FAM171A2: variants seen among roughly 807,000 people sequenced by gnomAD.
FAM171A2 encodes protein FAM171A2.
Under a neutral mutation model 34.2 loss-of-function variants are expected in FAM171A2, and 13 were observed. The ratio of observed to expected loss-of-function variants is 0.38; its 90% CI spans 0.25 to 0.60. FAM171A2 has a LOEUF of 0.60. Ranked by LOEUF, FAM171A2 falls within the 20% of genes least tolerant of loss-of-function variation. The pLI, the probability that FAM171A2 is intolerant of heterozygous loss-of-function variation, is 0.62. For synonymous variants in FAM171A2, 475 were observed against 561.2 expected, an observed-to-expected ratio of 0.85 and a Z score of 2.17; for missense variants, 950 against 1,180.7, an observed-to-expected ratio of 0.80 and a Z score of 2.86.
rs1209549723 is a variant in FAM171A2, at chr17:44,356,555, C to G, written c.473G>C (p.Arg158Pro). 1 of 1,547,626 alleles carries G rather than the reference C, an allele frequency of 6.5e-7. No homozygotes were observed. Among genetic ancestry groups the G allele is most frequent in the Admixed American group, 2.0e-5 (1 of 50,878 alleles). The change falls in exon 4 of 8, where the codon CGC becomes CCC. Residue 158 changes from arginine to proline, a missense_variant. Physicochemically the swap from Arg to Pro is moderately radical, Grantham distance 103. This residue lies in a region of FAM171A2 where 752 missense variants were observed against 924.5 expected (regional missense o/e 0.81). Transcript: ENST00000293443. Reference sequence around the variant, plus strand: ...GCTGACAGGCAGGCGGGCAGCCCGGCGCTGGAACTGCACCAAGGGCTGGGA... The same window carrying G: ...GCTGACAGGCAGGCGGGCAGCCCGGGGCTGGAACTGCACCAAGGGCTGGGA... ...ARSQPLVQFQ[R>P]RAARLPVSST...
rs1380909759 is a variant in FAM171A2 at position 44,355,917 on chromosome 17, C to G, written c.895+41G>C. 1 of 1,544,932 alleles carries G rather than the reference C, an allele frequency of 6.5e-7. No homozygotes were observed. The highest frequency in any genetic ancestry group is 8.8e-7 in the Non-Finnish European group (1 of 1,142,838). On this transcript the variant is annotated intron_variant, in intron 6 of 7. Transcript: ENST00000293443. This position sits in a 1 kb window ranked among gnomAD's most constrained non-coding sequence, Gnocchi z 4.1. Reference sequence around the variant, plus strand: ...TCAGAAGTCTGCTCTCCCAGCTCCCCTCCTCCGCGGCCTCTACGCCCACTG... The same window carrying G: ...TCAGAAGTCTGCTCTCCCAGCTCCCGTCCTCCGCGGCCTCTACGCCCACTG...
At chr17:44,360,220 G>GT (rs1467059507) in intron 1 of FAM171A2, 88 bp from the exon 2 acceptor site, 1 of 1,104,400 alleles carries the variant, frequency 9.1e-7, no homozygotes, top group Non-Finnish European at 1.3e-6. Flanking sequence ...AAGGAGCTGT[G>GT]TTTGAGAGAG....
chr17:44,360,550 T>G (rs770661201), intron 1 of FAM171A2, among the ~76,000 whole-genome samples: 6 of 152,072 alleles, frequency 3.9e-5, no homozygotes, highest in Non-Finnish European at 7.4e-5. Context: ...GCTTAGAGAG[T>G]TTAGATACTT....
In FAM171A2 at chr17:44,355,671, C is replaced by A; in HGVS notation, c.1022+44G>T. Reference sequence around the variant, plus strand: ...TTTATGCATCTTTGGGGCCCCAGGGCCCGGTACAAGTGCAGGGGAGGGTGA... The same window carrying A: ...TTTATGCATCTTTGGGGCCCCAGGGACCGGTACAAGTGCAGGGGAGGGTGA... On this transcript the variant is annotated intron_variant, in intron 7 of 7. Transcript: ENST00000293443. This position sits in a 1 kb window ranked among gnomAD's most constrained non-coding sequence, Gnocchi z 4.1. 6.5e-7 allele frequency: 1 copy of A among 1,549,518 alleles called. No homozygotes were observed. Among genetic ancestry groups the A allele is most frequent in the Non-Finnish European group, 8.7e-7 (1 of 1,145,894 alleles).
rs979199466 is a variant in FAM171A2 at position 44,363,732 on chromosome 17, C to A, written c.-18G>T. 8.6e-7 allele frequency: 1 copy of A among 1,161,070 alleles called. No homozygotes were observed. Among genetic ancestry groups the A allele is most frequent in the Non-Finnish European group, 1.1e-6 (1 of 931,176 alleles). The allele number at this position is 1,161,070 out of a possible 1,614,324, so 71.9% of individuals were successfully genotyped here. On this transcript the variant is annotated 5_prime_UTR_variant, in exon 1 of 8. Coordinates refer to ENST00000293443, the MANE Select transcript of FAM171A2 (RefSeq NM_198475.3). ...GGCGGCATCGCGGGGCTAGGCCGGGCCCTAGCGGTCCATGGCTCCCGCCTG... is the reference window on the plus strand; with the variant it reads ...GGCGGCATCGCGGGGCTAGGCCGGGACCTAGCGGTCCATGGCTCCCGCCTG...
In FAM171A2 at chr17:44,363,745, T is replaced by C; in HGVS notation, c.-31A>G. 2 of 1,082,736 alleles carry C rather than the reference T, an allele frequency of 1.8e-6. No homozygotes were observed. The highest frequency in any genetic ancestry group is 1.2e-6 in the Non-Finnish European group (1 of 861,542). 67.1% of individuals were successfully genotyped at this position (1,082,736 alleles called of 1,614,324 possible). A position where few individuals can be genotyped will look rare whatever the true frequency, so the allele number is the denominator to read the frequency against. On this transcript the variant is annotated 5_prime_UTR_variant, in exon 1 of 8. An upstream start codon of the reference 5' UTR is lost. Coordinates refer to ENST00000293443, the MANE Select transcript of FAM171A2 (RefSeq NM_198475.3). ...GGCTAGGCCGGGCCCTAGCGGTCCA[T>C]GGCTCCCGCCTGGTCCCGCTCGCCC... is the stretch of plus-strand genomic sequence containing the variant.
Position 44,355,822 on chromosome 17 carries a change from C to T in FAM171A2, c.915G>A (p.Ser305=), listed in dbSNP as rs1337356735. ...GGTAGGTGCCGATGTCCTGGATGCC[C>T]GACGTGATGGTGACCAGCCCTGTGC... ...SPTAGLVTIT[S]GIQDIGTYHT... is the part of the protein sequence containing the mutation. Residue 305 remains serine (S), a synonymous_variant, in exon 7 of 8, where the codon TCG becomes TCA. Coordinates refer to ENST00000293443, the MANE Select transcript of FAM171A2 (RefSeq NM_198475.3). This position sits in a 1 kb window ranked among gnomAD's most constrained non-coding sequence, Gnocchi z 4.1. 2.6e-6 allele frequency: 4 copies of T among 1,551,696 alleles called. No individual in the cohort carries two copies. The highest frequency in any genetic ancestry group is 2.0e-5 in the Admixed American group (1 of 51,000).
At position 44,353,684 on chromosome 17, in the gene FAM171A2, C is replaced by T; in HGVS notation, c.*49G>A. The T allele has an allele frequency of 8.1e-7, 1 of 1,227,550 alleles. No homozygotes were observed. The allele number at this position is 1,227,550 out of a possible 1,614,324, so 76.0% of individuals were successfully genotyped here. On this transcript the variant is annotated 3_prime_UTR_variant, in exon 8 of 8. Coordinates refer to ENST00000293443, the MANE Select transcript of FAM171A2 (RefSeq NM_198475.3). ...CCCGCGGGCCCCCGGGGCGCGCACCCTGGGTGCGGGCCCGCGCGGGAGGGG... is the reference window on the plus strand; with the variant it reads ...CCCGCGGGCCCCCGGGGCGCGCACCTTGGGTGCGGGCCCGCGCGGGAGGGG...
chr17:44,354,986 A>T lies in FAM171A2; in HGVS notation c.1228T>A (p.Ser410Thr). 1.0e-5 allele frequency: 15 copies of T among 1,482,384 alleles called. No individual in the cohort carries two copies. The highest frequency in any genetic ancestry group is 1.3e-5 in the Non-Finnish European group (15 of 1,118,582). 91.8% of individuals were successfully genotyped at this position (1,482,384 alleles called of 1,614,324 possible). A position where few individuals can be genotyped will look rare whatever the true frequency, so the allele number is the denominator to read the frequency against. The change falls in exon 8 of 8, where the codon TCC (serine) becomes ACC (threonine). Residue 410 changes from serine (S) to threonine (T), a missense_variant. Around this residue, in one of 3 missense-constraint regions of FAM171A2, gnomAD observed 752 missense variants for 924.5 expected, o/e 0.81. Coordinates refer to ENST00000293443, the MANE Select transcript of FAM171A2 (RefSeq NM_198475.3). The surrounding 1 kb of genome is among the most constrained non-coding windows in gnomAD (Gnocchi z 5.8). ...GTGCGGAAGAAGTCATCCCGGGAGG[A>T]GGCCAAGTCCCGGGAGCTGGAGAAG... ...SAFSSSRDLASSRDDFFRTKP... is the reference protein window; with the variant it reads ...SAFSSSRDLATSRDDFFRTKP...
chr17:44,363,191 C>G (rs1448243650), intron 1 of FAM171A2, among the ~76,000 whole-genome samples: 2 of 152,086 alleles, frequency 1.3e-5, no homozygotes, highest in Non-Finnish European at 2.9e-5. Context: ...TGCCGGCGCC[C>G]CCACCCCGCC....
rs1299106450 is a variant in FAM171A2, at chr17:44,354,123, G to C, written c.2091C>G (p.Pro697=). 5 of 1,156,738 alleles carry C rather than the reference G, an allele frequency of 4.3e-6. No homozygotes were observed. The highest frequency in any genetic ancestry group is 5.3e-6 in the Non-Finnish European group (5 of 938,390). 71.7% of individuals were successfully genotyped at this position (1,156,738 alleles called of 1,614,324 possible). A position where few individuals can be genotyped will look rare whatever the true frequency, so the allele number is the denominator to read the frequency against. The change falls in exon 8 of 8, where the codon CCC becomes CCG. Residue 697 remains proline, a synonymous_variant. Transcript: ENST00000293443. This position sits in a 1 kb window ranked among gnomAD's most constrained non-coding sequence, Gnocchi z 5.8. ...CCTCCCTCGCGGGCCGGCGGCGCGC[G>C]GGCCGCGCCTCGTGGACATCTACGC... ...DSGVDVHEAR[P]ARRRPAREER... is the part of the protein sequence containing the mutation.
chr17:44,354,402 C>A lies in FAM171A2; in HGVS notation c.1812G>T (p.Trp604Cys), dbSNP rs2048409115. 1 of 1,209,304 alleles carries A rather than the reference C, an allele frequency of 8.3e-7. No individual in the cohort carries two copies. Among genetic ancestry groups the A allele is most frequent in the Non-Finnish European group, 1.0e-6 (1 of 964,272 alleles). The allele number at this position is 1,209,304 out of a possible 1,614,324, so 74.9% of individuals were successfully genotyped here. Reference sequence around the variant, plus strand: ...TGACGGGCGCCGCGCGCCCGGCCCCCCAGCCCTCGCCGCCGCCCCCGCCGC... The same window carrying A: ...TGACGGGCGCCGCGCGCCCGGCCCCACAGCCCTCGCCGCCGCCCCCGCCGC... ...GEGGGGGGEG[W>C]GAGRAAPVSG... Residue 604 changes from tryptophan to cysteine, a missense_variant, in exon 8 of 8, where the codon TGG (tryptophan) becomes TGT (cysteine). Transcript: ENST00000293443. The surrounding 1 kb of genome is among the most constrained non-coding windows in gnomAD (Gnocchi z 5.8).
In FAM171A2 at chr17:44,354,802, A is replaced by C; in HGVS notation, c.1412T>G (p.Leu471Arg). 1 of 1,292,396 alleles carries C rather than the reference A, an allele frequency of 7.7e-7. No homozygotes were observed. The highest frequency in any genetic ancestry group is 2.3e-5 in the South Asian group (1 of 44,360). 80.1% of individuals were successfully genotyped at this position (1,292,396 alleles called of 1,614,324 possible). The change falls in exon 8 of 8, where the codon CTG (leucine) becomes CGG (arginine). Residue 471 changes from leucine (L) to arginine (R), a missense_variant. Physicochemically the swap from Leu to Arg is moderately radical, Grantham distance 102. Transcript: ENST00000293443. This position sits in a 1 kb window ranked among gnomAD's most constrained non-coding sequence, Gnocchi z 5.8. The part of the protein sequence containing the change: ...RRGPSGAAAF[L>R]HEPPSPPPPF... ...CGGCGGCGGCGAGGGCGGCTCGTGC[A>C]GGAAGGCCGCAGCCCCCGAGGGCCC...
intron 3 of FAM171A2, among the ~76,000 whole-genome samples, chr17:44,357,509 C>T (rs950550258): frequency 2.0e-5 from 3 of 149,234 alleles, no homozygotes; most frequent in Non-Finnish European, 3.0e-5. Context: ...TAGCCAGGTG[C>T]GGTGGCAGGC....
At chr17:44,356,995 G>A (rs1386273041) in intron 3 of FAM171A2, among the ~76,000 whole-genome samples, 1 of 152,170 alleles carries the variant, frequency 6.6e-6, no homozygotes, top group Non-Finnish European at 1.5e-5. Context: ...TGGCTGTTAA[G>A]CATTTGAAAT....
rs759617893 is a variant in FAM171A2, at chr17:44,353,627, C to T, written c.*106G>A. 33 of 907,314 alleles carry T rather than the reference C, an allele frequency of 3.6e-5. No individual in the cohort carries two copies. The highest frequency in any genetic ancestry group is 1.4e-4 in the Admixed American group (3 of 21,080). The allele number at this position is 907,314 out of a possible 1,614,324, so 56.2% of individuals were successfully genotyped here. On this transcript the variant is annotated 3_prime_UTR_variant, in exon 8 of 8. Transcript: ENST00000293443. ...GCTCCAAGGCCCCTGGGCCCCTCTC[C>T]GGCCTGGGGCTGGGAGCTACGCGCG... is the stretch of plus-strand genomic sequence containing the variant.
Position 44,354,827 on chromosome 17 carries a change from C to G in FAM171A2, c.1387G>C (p.Gly463Arg). The part of the protein sequence containing the change: ...LEPGLEEHRR[G>R]PSGAAAFLHE... ...AGGAAGGCCGCAGCCCCCGAGGGCCCCCGCCGGTGCTCCTCTAGGCCGGGC... is the reference window on the plus strand; with the variant it reads ...AGGAAGGCCGCAGCCCCCGAGGGCCGCCGCCGGTGCTCCTCTAGGCCGGGC... Residue 463 changes from glycine to arginine, a missense_variant, in exon 8 of 8, where the codon GGG becomes CGG. Physicochemically the swap from Gly to Arg is moderately radical, Grantham distance 125. This residue lies in a region of FAM171A2 where 752 missense variants were observed against 924.5 expected (regional missense o/e 0.81). Transcript: ENST00000293443. The surrounding 1 kb of genome is among the most constrained non-coding windows in gnomAD (Gnocchi z 5.8). 7.8e-7 allele frequency: 1 copy of G among 1,281,024 alleles called. No individual in the cohort carries two copies. The highest frequency in any genetic ancestry group is 9.8e-7 in the Non-Finnish European group (1 of 1,015,232). 79.4% of individuals were successfully genotyped at this position (1,281,024 alleles called of 1,614,324 possible). A position where few individuals can be genotyped will look rare whatever the true frequency, so the allele number is the denominator to read the frequency against.
At position 44,359,895 on chromosome 17, in the gene FAM171A2, C is replaced by G; in HGVS notation, c.346+10G>C. 1 of 1,524,900 alleles carries G rather than the reference C, an allele frequency of 6.6e-7. No individual in the cohort carries two copies. The highest frequency in any genetic ancestry group is 8.8e-7 in the Non-Finnish European group (1 of 1,131,760). 94.5% of individuals were successfully genotyped at this position (1,524,900 alleles called of 1,614,324 possible). ...TGCTGTCCCCCCCCTCCACCTGCCC[C>G]TGCACTCACAGGGCAGCTTGTCAAC... On this transcript the variant is annotated intron_variant, in intron 2 of 7. Coordinates refer to ENST00000293443, the MANE Select transcript of FAM171A2 (RefSeq NM_198475.3).
chr17:44,353,688 G>A lies in FAM171A2; in HGVS notation c.*45C>T. The A allele has an allele frequency of 8.0e-7, 1 of 1,253,718 alleles. No individual in the cohort carries two copies. Among genetic ancestry groups the A allele is most frequent in the Non-Finnish European group, 1.0e-6 (1 of 1,000,850 alleles). 77.7% of individuals were successfully genotyped at this position (1,253,718 alleles called of 1,614,324 possible). A position where few individuals can be genotyped will look rare whatever the true frequency, so the allele number is the denominator to read the frequency against. On this transcript the variant is annotated 3_prime_UTR_variant, in exon 8 of 8. Transcript: ENST00000293443. ...CGGGCCCCCGGGGCGCGCACCCTGG[G>A]TGCGGGCCCGCGCGGGAGGGGCGGT...
Sources: allele counts gnomAD v4.1 joint callset (sites outside exome capture counted in the v4.1 genomes callset), GRCh38; gene constraint gnomAD v4.1.1; regional missense constraint gnomAD v4.1.1; non-coding constraint Gnocchi (gnomAD v3.1); transcripts MANE v1.5; gene names NCBI Gene and HGNC (gene_info 2026-07-23, HGNC 2026-07-21).